RAP1A: variants seen among roughly 807,000 people sequenced by gnomAD.
The protein encoded by RAP1A is RAP1A, member of RAS oncogene family, also known as ras-related protein Rap-1A.
Under a neutral mutation model 26.4 loss-of-function variants are expected in RAP1A, and 6 were observed. The ratio of observed to expected loss-of-function variants is 0.23; its 90% CI spans 0.12 to 0.45. The LOEUF (loss-of-function observed/expected upper bound fraction) is 0.45. RAP1A is among the 20% of genes least tolerant of loss of function. The pLI is 0.99. For missense variants in RAP1A, 121 were observed against 217.2 expected, an observed-to-expected ratio of 0.56 and a Z score of 2.78; for synonymous variants, 73 against 79.4, an observed-to-expected ratio of 0.92 and a Z score of 0.43.
At chr1:111,603,968 T>G (rs55944366) in intron 1 of RAP1A, among the ~76,000 whole-genome samples, 22,670 of 152,220 alleles carry the variant, frequency 0.15, 1,786 homozygotes, top group African/African-American at 0.19. Context: ...TCTTTGCCTC[T>G]CTGCTTAAAC....
intron 7 of RAP1A, 138 bp downstream of exon 7, chr1:111,709,402 G>A (rs1470274890): frequency 1.0e-6 from 1 of 996,614 alleles, no homozygotes; most frequent in Non-Finnish European, 1.4e-6. Context: ...TAACTTGTAG[G>A]TACGTCATCT....
intron 2 of RAP1A, among the ~76,000 whole-genome samples, chr1:111,694,778 A>G (rs1232571386): frequency 2.0e-5 from 3 of 152,206 alleles, no homozygotes; most frequent in African/African-American, 7.2e-5. Flanking sequence ...CAGTAAGTTT[A>G]AATTTCCCTT....
At chr1:111,647,458 G>A (rs775899112) in intron 1 of RAP1A, among the ~76,000 whole-genome samples, 13 of 152,024 alleles carry the variant, frequency 8.6e-5, no homozygotes, top group Non-Finnish European at 1.6e-4. Flanking sequence ...CATCTCCCAC[G>A]CCCACTCCAG....
intron 1 of RAP1A, among the ~76,000 whole-genome samples, chr1:111,590,091 G>T (rs1317954340): frequency 6.6e-6 from 1 of 151,938 alleles, no homozygotes; most frequent in African/African-American, 2.4e-5. Context: ...CTAATTATTT[G>T]TTTTTTCTTA....
intron 1 of RAP1A, among the ~76,000 whole-genome samples, chr1:111,678,460 C>G (rs561112328): frequency 6.6e-6 from 1 of 152,062 alleles, no homozygotes; most frequent in African/African-American, 2.4e-5. Flanking sequence ...GGAGAAATGC[C>G]TTGTTAGTCA....
intron 1 of RAP1A, among the ~76,000 whole-genome samples, chr1:111,634,512 G>T (rs908824406): frequency 3.4e-5 from 5 of 148,588 alleles, no homozygotes; most frequent in Non-Finnish European, 4.4e-5. Context: ...ATGGGTTATA[G>T]ATATTTTATT....
chr1:111,709,350 T>TTG, intron 7 of RAP1A, 86 bp downstream of exon 7: 1 of 1,367,722 alleles, frequency 7.3e-7, no homozygotes, highest in Non-Finnish European at 9.6e-7. Context: ...ATTTCATCTG[T>TTG]TATGGTATTT....
At chr1:111,609,110 C>T (rs1658873300) in intron 1 of RAP1A, among the ~76,000 whole-genome samples, 1 of 152,176 alleles carries the variant, frequency 6.6e-6, no homozygotes, top group Admixed American at 6.5e-5. Flanking sequence ...AATTACAGCT[C>T]AGAGGATGAA....
At chr1:111,560,037 A>AT (rs374139812) in intron 1 of RAP1A, among the ~76,000 whole-genome samples, 130 of 152,186 alleles carry the variant, frequency 8.5e-4, no homozygotes, top group African/African-American at 3.0e-3. Flanking sequence ...AGAGTAGGCA[A>AT]TTTTTTTCAT....
chr1:111,638,674 C>T (rs1038442633), intron 1 of RAP1A, among the ~76,000 whole-genome samples: 1 of 152,176 alleles, frequency 6.6e-6, no homozygotes. Flanking sequence ...CATTCACCCA[C>T]CTTTGCCCCC....
At chr1:111,660,321 C>G (rs1331676916) in intron 1 of RAP1A, among the ~76,000 whole-genome samples, 2 of 152,178 alleles carry the variant, frequency 1.3e-5, no homozygotes, top group Non-Finnish European at 2.9e-5. Flanking sequence ...CCCCCTCTGG[C>G]TTCTTTCAGC....
At chr1:111,563,762 G>A (rs17027995) in intron 1 of RAP1A, 6 of 973,234 alleles carry the variant, frequency 6.2e-6, no homozygotes, top group African/African-American at 1.6e-5. Context: ...CCCATATCAT[G>A]AATAAATGTT....
chr1:111,572,316 C>T (rs1658065677), intron 1 of RAP1A, among the ~76,000 whole-genome samples: 2 of 152,234 alleles, frequency 1.3e-5, no homozygotes, highest in South Asian at 4.1e-4. Flanking sequence ...CAGCTTCCTA[C>T]CATTCAAGTT....
intron 1 of RAP1A, among the ~76,000 whole-genome samples, chr1:111,581,250 G>A (rs1658251884): frequency 2.0e-5 from 3 of 152,016 alleles, no homozygotes; most frequent in Non-Finnish European, 4.4e-5. Flanking sequence ...GGAGAAAATA[G>A]CATATTTTTA....
chr1:111,593,793 A>G (rs1658514559), intron 1 of RAP1A, among the ~76,000 whole-genome samples: 1 of 151,632 alleles, frequency 6.6e-6, no homozygotes, highest in South Asian at 2.1e-4. Flanking sequence ...ATCTGTCACA[A>G]AAAAAACCAG....
At chr1:111,682,784 G>A (rs952744791) in intron 1 of RAP1A, among the ~76,000 whole-genome samples, 1 of 152,098 alleles carries the variant, frequency 6.6e-6, no homozygotes, top group Admixed American at 6.5e-5. Flanking sequence ...AAATTGGCAA[G>A]GATATTCTGA....
At chr1:111,638,614 C>A (rs918728008) in intron 1 of RAP1A, among the ~76,000 whole-genome samples, 1 of 152,062 alleles carries the variant, frequency 6.6e-6, no homozygotes, top group Admixed American at 6.6e-5. Flanking sequence ...TTTGTAGAGA[C>A]AGTGCTTTGC....
intron 1 of RAP1A, among the ~76,000 whole-genome samples, chr1:111,671,405 G>A (rs562803449): frequency 2.8e-4 from 42 of 152,268 alleles, no homozygotes; most frequent in Non-Finnish European, 5.0e-4. Flanking sequence ...TTTAAAACAA[G>A]AAAACACAAA....
intron 1 of RAP1A, among the ~76,000 whole-genome samples, chr1:111,662,084 C>T (rs1188811515): frequency 6.6e-6 from 1 of 151,966 alleles, no homozygotes; most frequent in Non-Finnish European, 1.5e-5. Context: ...TTTTCCCAAC[C>T]TTCTCTCATC....
Sources: allele counts gnomAD v4.1 joint callset (sites outside exome capture counted in the v4.1 genomes callset), GRCh38; gene constraint gnomAD v4.1.1; transcripts MANE v1.5; gene names NCBI Gene and HGNC (gene_info 2026-07-23, HGNC 2026-07-21).